The following GLG1 variants were observed in gnomAD, a reference collection of about 807,000 sequenced individuals.
The protein encoded by GLG1 is Golgi apparatus protein 1.
GLG1 carries 38 observed loss-of-function variants against 160.5 expected under a neutral mutation model. That is an observed-to-expected ratio of 0.24 (90% confidence interval 0.18 to 0.31). The LOEUF is 0.31. GLG1 is among the 10% of genes least tolerant of loss of function. The pLI is 1.00. For synonymous variants in GLG1, 644 were observed against 543.4 expected (o/e 1.19, Z -2.57); for missense variants, 1,373 against 1,505.2 (o/e 0.91, Z 1.45).
At chr16:74,590,532 A>T (rs1217673970) in intron 1 of GLG1, among the ~76,000 whole-genome samples, 1 of 151,082 alleles carries the variant, frequency 6.6e-6, no homozygotes, top group Non-Finnish European at 1.5e-5. Flanking sequence ...GAGGCAGGAG[A>T]ATGGCGTGAA....
chr16:74,522,363 T>G (rs1320388776), intron 2 of GLG1, among the ~76,000 whole-genome samples: 1 of 152,254 alleles, frequency 6.6e-6, no homozygotes, highest in Non-Finnish European at 1.5e-5. Context: ...CTAGCTGTGC[T>G]AACTATCACC....
intron 1 of GLG1, among the ~76,000 whole-genome samples, chr16:74,574,235 T>C (rs951570272): frequency 6.6e-6 from 1 of 152,226 alleles, no homozygotes; most frequent in Non-Finnish European, 1.5e-5. Flanking sequence ...TATGACTATT[T>C]AAATTCAGAG....
intron 4 of GLG1, among the ~76,000 whole-genome samples, chr16:74,503,138 C>T (rs1050080422): frequency 2.0e-5 from 3 of 151,824 alleles, no homozygotes; most frequent in Non-Finnish European, 4.4e-5. Context: ...ACCCAGGAGG[C>T]TGAGGCTGCA....
At chr16:74,519,773 A>C (rs935494378) in intron 2 of GLG1, among the ~76,000 whole-genome samples, 5 of 152,114 alleles carry the variant, frequency 3.3e-5, no homozygotes, top group African/African-American at 4.8e-5. Context: ...AATTACCTCC[A>C]TATTTTTAAA....
intron 1 of GLG1, among the ~76,000 whole-genome samples, chr16:74,542,505 T>C (rs112935773): frequency 1.3e-5 from 2 of 151,358 alleles, no homozygotes; most frequent in Non-Finnish European, 2.9e-5. Context: ...CCCATCTCTA[T>C]TAAAAATACA....
chr16:74,584,200 T>C lies in GLG1; in HGVS notation c.438+22457A>G, dbSNP rs533595005. Among the ~76,000 whole-genome samples, 204 of 152,284 alleles carry C rather than the reference T, an allele frequency of 1.3e-3. 1 individual carries two copies. The highest frequency in any genetic ancestry group is 4.5e-3 in the African/African-American group (187 of 41,582). Reference sequence around the variant, plus strand: ...CCCCGAAAACAAAACTAAGTTAATATAGACATTTCAATAGACAGCCAGCTT... The same window carrying C: ...CCCCGAAAACAAAACTAAGTTAATACAGACATTTCAATAGACAGCCAGCTT... On this transcript the variant is annotated intron_variant, in intron 1 of 25. Coordinates refer to ENST00000422840, the MANE Select transcript of GLG1 (RefSeq NM_001145667.2).
At position 74,462,099 on chromosome 16, in the gene GLG1, C is replaced by G. The variant is rs772888029; in HGVS notation, c.3031G>C (p.Asp1011His). 6.4e-7 allele frequency: 1 copy of G among 1,568,958 alleles called. No individual in the cohort carries two copies. The highest frequency in any genetic ancestry group is 8.8e-7 in the Non-Finnish European group (1 of 1,139,558). The change falls in exon 22 of 26, where the codon GAC (aspartate) becomes CAC (histidine). Residue 1011 changes from aspartate to histidine, a missense_variant. Asp to His is a moderately conservative substitution (Grantham distance 81). Around this residue, in one of 4 missense-constraint regions of GLG1, gnomAD observed 491 missense variants for 632.1 expected, o/e 0.78. Coordinates refer to ENST00000422840, the MANE Select transcript of GLG1 (RefSeq NM_001145667.2). ...GTTTTGCACGCAAATCCCACCTCGT[C>G]TGAGCAGTGCAGCTGGAGCTGAGGA... ...LDPQLQLHCS[D>H]EISSLCAEEA... is the part of the protein sequence containing the mutation.
chr16:74,454,946 A>G (rs1024885365), intron 25 of GLG1, among the ~76,000 whole-genome samples: 2 of 151,744 alleles, frequency 1.3e-5, no homozygotes, highest in African/African-American at 4.8e-5. Flanking sequence ...TCCACAAAAA[A>G]TTATAAAATT....
At chr16:74,545,988 C>T (rs2018033985) in intron 1 of GLG1, among the ~76,000 whole-genome samples, 1 of 152,192 alleles carries the variant, frequency 6.6e-6, no homozygotes, top group Non-Finnish European at 1.5e-5. Context: ...ACTGAAATCA[C>T]CTGACAGTCA....
chr16:74,535,757 A>G lies in GLG1; in HGVS notation c.439-3604T>C, dbSNP rs1041328702. 1.3e-4 allele frequency among the ~76,000 whole-genome samples: 20 copies of G among 152,200 alleles called. 2 individuals carry two copies. Among genetic ancestry groups the G allele is most frequent in the Admixed American group, 9.2e-4 (14 of 15,268 alleles). ...GCTTTTTCCTAGGTTTAGTTTCTCT[A>G]TGCAGAAAGAAAAGATGACAGAATA... On this transcript the variant is annotated intron_variant, in intron 1 of 25. Transcript: ENST00000422840.
chr16:74,517,887 G>A (rs978849288), intron 2 of GLG1, among the ~76,000 whole-genome samples: 1 of 152,114 alleles, frequency 6.6e-6, no homozygotes, highest in Non-Finnish European at 1.5e-5. Flanking sequence ...AAAATCACAA[G>A]CATTCCTATA....
intron 1 of GLG1, among the ~76,000 whole-genome samples, chr16:74,537,805 G>A (rs2017727885): frequency 6.9e-6 from 1 of 145,670 alleles, no homozygotes; most frequent in Non-Finnish European, 1.5e-5. Flanking sequence ...ATCTCTCCTA[G>A]TCAAAGTCAC....
chr16:74,531,086 A>T (rs993756729), intron 2 of GLG1, among the ~76,000 whole-genome samples: 2 of 152,166 alleles, frequency 1.3e-5, no homozygotes, highest in African/African-American at 4.8e-5. Flanking sequence ...TTAAAACATC[A>T]TTTGGGGTTG....
chr16:74,462,422 A>T (rs149200805), intron 21 of GLG1, 66 bp downstream of exon 21: 7 of 1,470,390 alleles, frequency 4.8e-6, no homozygotes, highest in Non-Finnish European at 6.6e-6. Context: ...GGGATTTCAA[A>T]AGAGAAAATT....
chr16:74,548,488 A>G (rs1473063839), intron 1 of GLG1, among the ~76,000 whole-genome samples: 2 of 152,172 alleles, frequency 1.3e-5, no homozygotes, highest in Admixed American at 6.6e-5. Context: ...CTACCACACA[A>G]TTCTAGGCAT....
intron 1 of GLG1, among the ~76,000 whole-genome samples, chr16:74,580,476 G>C (rs879634362): frequency 6.6e-6 from 1 of 152,098 alleles, no homozygotes; most frequent in African/African-American, 2.4e-5. Flanking sequence ...TCCAGCATAG[G>C]AAACAGAGAG....
chr16:74,483,714 A>G (rs1156388592), intron 9 of GLG1, among the ~76,000 whole-genome samples: 1 of 149,212 alleles, frequency 6.7e-6, no homozygotes, highest in Non-Finnish European at 1.5e-5. Flanking sequence ...GCTGGAGTGC[A>G]GTGGCGCAAC....
At chr16:74,510,011 C>T (rs1207669813) in intron 2 of GLG1, among the ~76,000 whole-genome samples, 1 of 148,350 alleles carries the variant, frequency 6.7e-6, no homozygotes, top group Non-Finnish European at 1.5e-5. Context: ...AAACACTTGA[C>T]ACATACACTA....
rs1567472584 is a variant in GLG1 at position 74,483,648 on chromosome 16, CCTTT to C, written c.1572-528_1572-525del. Among the ~76,000 whole-genome samples, 7 of 151,862 alleles carry C rather than the reference CCTTT, an allele frequency of 4.6e-5. No homozygotes were observed. In the South Asian group the frequency reaches 1.0e-3, roughly 23 times the overall value. ...TACCCTGTTAGTTTTCAAATATTTT[CCTTT>C]CTTTTCTTTTCTTTTTTTTTTTTTG... is the stretch of plus-strand genomic sequence containing the variant. On this transcript the variant is annotated intron_variant, in intron 9 of 25. Transcript: ENST00000422840.
Sources: allele counts gnomAD v4.1 joint callset (sites outside exome capture counted in the v4.1 genomes callset), GRCh38; gene constraint gnomAD v4.1.1; regional missense constraint gnomAD v4.1.1; transcripts MANE v1.5; gene names NCBI Gene and HGNC (gene_info 2026-07-23, HGNC 2026-07-21).